DARS1: variants seen among roughly 807,000 people sequenced by gnomAD.
The protein encoded by DARS1 is aspartate--tRNA ligase, cytoplasmic.
A neutral mutation model predicts 68.8 loss-of-function variants in DARS1; 51 were observed. That is an observed-to-expected ratio of 0.74 (90% CI 0.59 to 0.94). The LOEUF is 0.94. Ranked by LOEUF, DARS1 falls within the 40% of genes least tolerant of loss-of-function variation. DARS1 has a pLI of 0.00. For synonymous variants in DARS1, 203 were observed against 190.4 expected (o/e 1.07, Z -0.55); for missense variants, 607 against 597.3 (o/e 1.02, Z -0.17).
intron 1 of DARS1, among the ~76,000 whole-genome samples, chr2:135,984,548 G>A (rs1682724198): frequency 6.6e-6 from 1 of 152,162 alleles, no homozygotes; most frequent in Non-Finnish European, 1.5e-5. Context: ...TGAAGCCTGA[G>A]GGCAACAGAA....
Position 135,922,830 on chromosome 2 carries a change from T to A in DARS1, c.765A>T (p.Gln255His), listed in dbSNP as rs146171447. 7.5e-6 allele frequency: 12 copies of A among 1,592,238 alleles called. No individual in the cohort carries two copies. In the African/African-American group the frequency reaches 1.4e-4, roughly 18 times the overall value. Reference protein sequence around the residue: ...YLAQSPQLYKQMCICADFEKV... With the variant: ...YLAQSPQLYKHMCICADFEKV... ...TCTCAAAATCAGCACAAATGCACATTTGCTTATATAGCTGTGGGGACTGAG... is the reference window on the plus strand; with the variant it reads ...TCTCAAAATCAGCACAAATGCACATATGCTTATATAGCTGTGGGGACTGAG... The change falls in exon 9 of 16, where the codon CAA becomes CAT. Residue 255 changes from glutamine (Q) to histidine (H), a missense_variant. Gln to His is a conservative substitution (Grantham distance 24, BLOSUM62 0). Coordinates refer to ENST00000264161, the MANE Select transcript of DARS1 (RefSeq NM_001349.4).
intron 15 of DARS1, among the ~76,000 whole-genome samples, chr2:135,908,059 T>C (rs1312566162): frequency 6.6e-6 from 1 of 152,154 alleles, no homozygotes; most frequent in Non-Finnish European, 1.5e-5. Context: ...TTCTTCTCCA[T>C]CCGGACTCAT....
intron 4 of DARS1, among the ~76,000 whole-genome samples, chr2:135,945,303 T>A (rs1419967811): frequency 6.6e-6 from 1 of 152,062 alleles, no homozygotes; most frequent in Admixed American, 6.6e-5. Context: ...AATTTTTGTA[T>A]GTTTAGCAGA....
chr2:135,940,976 G>C (rs1681582641), intron 5 of DARS1, among the ~76,000 whole-genome samples: 1 of 152,098 alleles, frequency 6.6e-6, no homozygotes, highest in African/African-American at 2.4e-5. Context: ...CCTCTTCAAG[G>C]AGAACTACAA....
At chr2:135,947,285 G>A (rs528727273) in intron 4 of DARS1, among the ~76,000 whole-genome samples, 1 of 151,856 alleles carries the variant, frequency 6.6e-6, no homozygotes, top group African/African-American at 2.4e-5. Context: ...GCGTGGCCCT[G>A]TAGCCCCAGC....
chr2:135,934,255 T>C (rs309164), intron 5 of DARS1, among the ~76,000 whole-genome samples: 66,403 of 152,010 alleles, frequency 0.44, 17,033 homozygotes, highest in Middle Eastern at 0.73. Context: ...TTTGTAAATT[T>C]TAAGATGCCT....
intron 4 of DARS1, among the ~76,000 whole-genome samples, chr2:135,946,755 G>A (rs899667119): frequency 2.0e-5 from 3 of 152,024 alleles, no homozygotes; most frequent in South Asian, 4.2e-4. Flanking sequence ...GACATAAATC[G>A]GGGGAAAAAG....
chr2:135,943,583 T>C lies in DARS1; in HGVS notation c.321-103A>G, dbSNP rs546491486. 5 of 1,498,982 alleles carry C rather than the reference T, an allele frequency of 3.3e-6. No individual in the cohort carries two copies. The East Asian group carries it at 9.1e-5, about 27-fold the overall frequency. The allele number at this position is 1,498,982 out of a possible 1,614,324, so 92.9% of individuals were successfully genotyped here. ...CTGAATATGTTAAACTCTTTTTTAA[T>C]ACAGTAAGCCACTTGAGATAAAGCC... is the stretch of plus-strand genomic sequence containing the variant. On this transcript the variant is annotated intron_variant, in intron 4 of 15. Coordinates refer to ENST00000264161, the MANE Select transcript of DARS1 (RefSeq NM_001349.4).
At chr2:135,954,739 G>A (rs1192635239) in intron 4 of DARS1, among the ~76,000 whole-genome samples, 4 of 152,110 alleles carry the variant, frequency 2.6e-5, no homozygotes, top group Admixed American at 2.6e-4. Context: ...AACGAGTCTG[G>A]TATGTGGTAG....
rs1356479913 is a variant in DARS1 at position 135,933,899 on chromosome 2, A to G, written c.504+11T>C. ...AGCGGAAGCATAATATTTCATAAGT[A>G]TAATTTTTACCTCTTCTCCTTCTGC... On this transcript the variant is annotated intron_variant, in intron 6 of 15. Coordinates refer to ENST00000264161, the MANE Select transcript of DARS1 (RefSeq NM_001349.4). 1.2e-6 allele frequency: 2 copies of G among 1,611,042 alleles called. No homozygotes were observed. Among genetic ancestry groups the G allele is most frequent in the South Asian group, 2.2e-5 (2 of 90,684 alleles).
chr2:135,965,512 G>A (rs992660902), intron 3 of DARS1, among the ~76,000 whole-genome samples: 6 of 152,116 alleles, frequency 3.9e-5, no homozygotes, highest in African/African-American at 7.2e-5. Flanking sequence ...AGCAAACAAC[G>A]ACAGATTATT....
chr2:135,915,140 G>A (rs1242887254), intron 11 of DARS1, among the ~76,000 whole-genome samples: 1 of 151,762 alleles, frequency 6.6e-6, no homozygotes, highest in Non-Finnish European at 1.5e-5. Flanking sequence ...AAGGGTTTTG[G>A]GTGAATTGTT....
intron 7 of DARS1, among the ~76,000 whole-genome samples, chr2:135,931,744 A>C (rs1681352575): frequency 6.6e-6 from 1 of 152,180 alleles, no homozygotes; most frequent in Non-Finnish European, 1.5e-5. Flanking sequence ...TATATGTCCT[A>C]TCTAGCATGC....
At chr2:135,911,686 G>T in intron 13 of DARS1, 193 bp from the exon 14 acceptor site, 1 of 470,640 alleles carries the variant, frequency 2.1e-6, no homozygotes, top group South Asian at 3.3e-5. Context: ...CAGATTCTGT[G>T]CTCTCCTCCC....
At chr2:135,945,586 T>G (rs1239990098) in intron 4 of DARS1, among the ~76,000 whole-genome samples, 2 of 152,208 alleles carry the variant, frequency 1.3e-5, no homozygotes, top group Non-Finnish European at 2.9e-5. Context: ...CAGATGACTC[T>G]TTTAACCCAG....
intron 3 of DARS1, among the ~76,000 whole-genome samples, chr2:135,974,335 C>T (rs1682450570): frequency 6.6e-6 from 1 of 152,120 alleles, no homozygotes; most frequent in Non-Finnish European, 1.5e-5. Context: ...GGTGAATTTG[C>T]GAATATGCAG....
chr2:135,976,048 C>CA (rs1558801017), intron 3 of DARS1, among the ~76,000 whole-genome samples: 2 of 152,114 alleles, frequency 1.3e-5, no homozygotes, highest in African/African-American at 2.4e-5. Flanking sequence ...GAGTATTTAA[C>CA]AAAAAATGGT....
At chr2:135,934,099 C>A in intron 5 of DARS1, 109 bp from the exon 6 acceptor site, 4 of 1,427,896 alleles carry the variant, frequency 2.8e-6, no homozygotes, top group African/African-American at 1.4e-5. Flanking sequence ...TTGCATACAT[C>A]TTTAATTGAA....
rs77697045 is a variant in DARS1, at chr2:135,981,380, C to T, written c.125-2014G>A. ...ATATCATCCCCTATACTCTATTGCT[C>T]ATAGTCTATTTTACATAGGTTGAGC... is the stretch of plus-strand genomic sequence containing the variant. On this transcript the variant is annotated intron_variant, in intron 2 of 15. Coordinates refer to ENST00000264161, the MANE Select transcript of DARS1 (RefSeq NM_001349.4). Among the ~76,000 whole-genome samples the T allele has an allele frequency of 7.6e-3, 1,159 of 152,248 alleles. 98 individuals carry two copies. The East Asian group carries it at 0.19, about 26-fold the overall frequency.
Sources: gnomAD v4.1 joint callset for allele counts (sites outside exome capture counted in the v4.1 genomes callset) on GRCh38, gnomAD v4.1.1 for gene constraint, MANE v1.5 for transcripts, NCBI Gene and HGNC (gene_info 2026-07-23, HGNC 2026-07-21) for gene names.